CPLX1: variants seen among roughly 807,000 people sequenced by gnomAD.
The protein encoded by CPLX1 is complexin-1.
Under a neutral mutation model 15.6 loss-of-function variants are expected in CPLX1, and 6 were observed. That is an observed-to-expected ratio of 0.39 (90% CI 0.21 to 0.76). The LOEUF is 0.76. Among genes scored for constraint, CPLX1 ranks in the 30% least tolerant of loss-of-function variants. The probability of loss-of-function intolerance (pLI) is 0.43; values close to 1 mark genes in which losing one functional copy is unlikely to be tolerated. For missense variants in CPLX1, 242 were observed against 188.6 expected, an observed-to-expected ratio of 1.28 and a Z score of -1.66; for synonymous variants, 91 against 75.2, an observed-to-expected ratio of 1.21 and a Z score of -1.08.
chr4:803,797 G>T (rs1208819968), intron 2 of CPLX1, among the ~76,000 whole-genome samples: 1 of 152,132 alleles, frequency 6.6e-6, no homozygotes, highest in Non-Finnish European at 1.5e-5. Flanking sequence ...AGCCTCTCAA[G>T]TAGCTGGGAT....
intron 3 of CPLX1, chr4:788,448 C>T (rs1463787407): frequency 5.8e-5 from 57 of 985,312 alleles, no homozygotes; most frequent in East Asian, 1.1e-4. Context: ...GCCGTGGGCT[C>T]GCCCTAGTCC....
chr4:788,563 C>T (rs1002430736), intron 3 of CPLX1: 21 of 985,408 alleles, frequency 2.1e-5, no homozygotes, highest in Non-Finnish European at 2.5e-5. Context: ...GGGGCGACAC[C>T]CAGAGGGCCC....
intron 2 of CPLX1, among the ~76,000 whole-genome samples, chr4:816,695 A>G (rs1415064108): frequency 6.6e-6 from 1 of 151,572 alleles, no homozygotes; most frequent in Non-Finnish European, 1.5e-5. Context: ...GGTGGTACAC[A>G]CCTATAGTCC....
intron 1 of CPLX1, among the ~76,000 whole-genome samples, chr4:825,184 G>A (rs905613809): frequency 2.0e-5 from 3 of 152,078 alleles, no homozygotes; most frequent in Admixed American, 6.5e-5. Context: ...ACGTGGGGAC[G>A]GGGACAGAGC....
intron 3 of CPLX1, among the ~76,000 whole-genome samples, chr4:790,799 G>T (rs1444096688): frequency 2.0e-5 from 3 of 152,050 alleles, no homozygotes; most frequent in African/African-American, 7.2e-5. Flanking sequence ...CTTCTACCCA[G>T]CGTCAGCTCT....
rs557936696 is a variant in CPLX1 at position 804,159 on chromosome 4, C to T, written c.32-11551G>A. On this transcript the variant is annotated intron_variant, in intron 2 of 3. Coordinates refer to ENST00000304062, the MANE Select transcript of CPLX1 (RefSeq NM_006651.4). ...AGATTCCATGACAGTCCCACAGCCACGAACGTATTCCCGTCAACACAGGAT... is the reference window on the plus strand; with the variant it reads ...AGATTCCATGACAGTCCCACAGCCATGAACGTATTCCCGTCAACACAGGAT... 6.6e-5 allele frequency among the ~76,000 whole-genome samples: 10 copies of T among 152,332 alleles called. No individual in the cohort carries two copies. In the South Asian group the frequency reaches 2.1e-3, roughly 32 times the overall value.
chr4:824,014 C>T (rs1746923796), intron 2 of CPLX1, among the ~76,000 whole-genome samples: 1 of 152,252 alleles, frequency 6.6e-6, no homozygotes, highest in Non-Finnish European at 1.5e-5. Flanking sequence ...ACAGGGTCCT[C>T]GCCAGATGCA....
At chr4:792,717 CACT>C in intron 2 of CPLX1, 109 bp from the exon 3 acceptor site, 1 of 1,247,994 alleles carries the variant, frequency 8.0e-7, no homozygotes, top group South Asian at 1.5e-5. Flanking sequence ...ACCCTCCATC[CACT>C]CGACCCTCTG....
chr4:786,455 T>C lies in CPLX1; in HGVS notation c.*46A>G. ...CTCAGGGGCCTCCGCGGAGGATCTG[T>C]AGGGGGAGGGGCGGGGGCTCCGCGG... On this transcript the variant is annotated 3_prime_UTR_variant, in exon 4 of 4. Transcript: ENST00000304062. The C allele has an allele frequency of 1.3e-6, 2 of 1,501,992 alleles. No individual in the cohort carries two copies. Among genetic ancestry groups the C allele is most frequent in the Admixed American group, 2.1e-5 (1 of 48,092 alleles). The allele number at this position is 1,501,992 out of a possible 1,614,324, so 93.0% of individuals were successfully genotyped here.
intron 3 of CPLX1, chr4:787,506 G>A (rs1470890457): frequency 2.5e-5 from 17 of 669,284 alleles, no homozygotes; most frequent in African/African-American, 5.9e-5. Flanking sequence ...GGATTTGAGG[G>A]GCCTCAAGTC....
rs564058741 is a variant in CPLX1 at position 819,615 on chromosome 4, C to A, written c.31+4877G>T. Among the ~76,000 whole-genome samples, 206 of 152,348 alleles carry A rather than the reference C, an allele frequency of 1.4e-3. 2 individuals carry two copies. Among genetic ancestry groups the A allele is most frequent in the Middle Eastern group, 6.8e-3 (2 of 294 alleles). ...TGCCTAGCGGTTCTGCACCTAGAAACCAAGTCTCCCCAAGTTGGGTGTGAG... is the reference window on the plus strand; with the variant it reads ...TGCCTAGCGGTTCTGCACCTAGAAAACAAGTCTCCCCAAGTTGGGTGTGAG... On this transcript the variant is annotated intron_variant, in intron 2 of 3. Transcript: ENST00000304062.
chr4:797,037 G>T (rs917416025), intron 2 of CPLX1, among the ~76,000 whole-genome samples: 1 of 152,214 alleles, frequency 6.6e-6, no homozygotes, highest in Non-Finnish European at 1.5e-5. Flanking sequence ...CCCCAGATGG[G>T]ACAGGATACT....
chr4:791,650 C>T (rs1200635272), intron 3 of CPLX1, among the ~76,000 whole-genome samples: 1 of 152,178 alleles, frequency 6.6e-6, no homozygotes, highest in Non-Finnish European at 1.5e-5. Flanking sequence ...CCATCTTGGC[C>T]CATCCAGGGC....
intron 2 of CPLX1, among the ~76,000 whole-genome samples, chr4:793,717 C>T (rs1455444933): frequency 6.6e-6 from 1 of 152,188 alleles, no homozygotes; most frequent in African/African-American, 2.4e-5. Context: ...CTGCAAATGC[C>T]GCTCTCCCCC....
intron 1 of CPLX1, among the ~76,000 whole-genome samples, chr4:825,534 C>T (rs1746962479): frequency 6.6e-6 from 1 of 151,926 alleles, no homozygotes; most frequent in Admixed American, 6.5e-5. Context: ...GGCTCCGGCC[C>T]CGCCGCACCC....
intron 2 of CPLX1, among the ~76,000 whole-genome samples, chr4:806,771 G>C (rs919309825): frequency 2.0e-5 from 3 of 152,168 alleles, no homozygotes; most frequent in Admixed American, 1.3e-4. Flanking sequence ...AAACTACAAT[G>C]AGATACCATC....
chr4:803,115 A>T (rs1746488230), intron 2 of CPLX1, among the ~76,000 whole-genome samples: 1 of 152,248 alleles, frequency 6.6e-6, no homozygotes, highest in Non-Finnish European at 1.5e-5. Flanking sequence ...AATTTAAAAG[A>T]AACAAAACAA....
chr4:787,039 CG>C, intron 3 of CPLX1: 1 of 985,374 alleles, frequency 1.0e-6, no homozygotes, highest in East Asian at 1.1e-4. Context: ...GCCTCCGGCC[CG>C]GGGCAGGGAG....
intron 2 of CPLX1, among the ~76,000 whole-genome samples, chr4:805,103 G>A (rs758016434): frequency 1.3e-5 from 2 of 152,208 alleles, no homozygotes; most frequent in Non-Finnish European, 2.9e-5. Flanking sequence ...TACGCCCATC[G>A]CACATCCACA....
Sources: allele counts gnomAD v4.1 joint callset (sites outside exome capture counted in the v4.1 genomes callset), GRCh38; gene constraint gnomAD v4.1.1; transcripts MANE v1.5; gene names NCBI Gene and HGNC (gene_info 2026-07-23, HGNC 2026-07-21).